Variants in TTBK2 observed in about 807,000 individuals in gnomAD.
TTBK2 encodes tau-tubulin kinase 2.
In TTBK2, 28 loss-of-function variants were observed where a neutral mutation model predicts 110.8. That is an observed-to-expected ratio of 0.25 (90% CI 0.19 to 0.35). TTBK2 has a LOEUF of 0.35. Among genes scored for constraint, TTBK2 ranks in the 10% least tolerant of loss-of-function variants. The probability of loss-of-function intolerance (pLI) is 1.00; values close to 1 mark genes in which losing one functional copy is unlikely to be tolerated. For synonymous variants in TTBK2, 532 were observed against 527.3 expected, an observed-to-expected ratio of 1.01 and a Z score of -0.12; for missense variants, 1,369 against 1,500.3, an observed-to-expected ratio of 0.91 and a Z score of 1.45.
chr15:42,757,702 G>A (rs183018553), intron 13 of TTBK2, among the ~76,000 whole-genome samples: 16 of 152,290 alleles, frequency 1.1e-4, no homozygotes, highest in Non-Finnish European at 8.8e-5. Flanking sequence ...TACTTGGGGC[G>A]CTCTACAAAT....
At chr15:42,751,150 A>T (rs963534522) in intron 14 of TTBK2, among the ~76,000 whole-genome samples, 1 of 152,218 alleles carries the variant, frequency 6.6e-6, no homozygotes, top group African/African-American at 2.4e-5. Flanking sequence ...AGATCTTAAT[A>T]AAGGCAAACA....
chr15:42,755,763 G>A (rs1374195607), intron 13 of TTBK2, among the ~76,000 whole-genome samples: 3 of 152,190 alleles, frequency 2.0e-5, no homozygotes, highest in Non-Finnish European at 4.4e-5. Context: ...TTTTGAAAGT[G>A]ATGTTGAAAT....
chr15:42,746,199 G>C lies in TTBK2; in HGVS notation c.3331C>G (p.Leu1111Val), dbSNP rs144199562. The change falls in exon 15 of 15, where the codon CTG becomes GTG. Residue 1111 changes from leucine to valine, a missense_variant. Around this residue, in one of 4 missense-constraint regions of TTBK2, gnomAD observed 1,097 missense variants for 1,114.7 expected, o/e 0.98. Transcript: ENST00000267890. ...GATCCATTTTGAAGAATTTGGGCCAGGCGGGAGAAAAGGTCTGAGTCGGAG... is the reference window on the plus strand; with the variant it reads ...GATCCATTTTGAAGAATTTGGGCCACGCGGGAGAAAAGGTCTGAGTCGGAG... ...SNSDSDLFSR[L>V]AQILQNGSQK... The C allele has an allele frequency of 2.4e-4, 381 of 1,614,166 alleles. 2 individuals carry two copies. The African/African-American group carries it at 4.8e-3, about 20-fold the overall frequency.
In TTBK2 at chr15:42,752,890, A is replaced by C. The variant is rs924397428; in HGVS notation, c.2356T>G (p.Ser786Ala). Reference protein sequence around the residue: ...ETEEKSILLESDNEDEKLSRG... With the variant: ...ETEEKSILLEADNEDEKLSRG... ...CTTAACTTCTCATCTTCATTATCTG[A>C]CTCTAAAAGGATGCTTTTCTCTTCA... The change falls in exon 14 of 15, where the codon TCA becomes GCA. Residue 786 changes from serine (S) to alanine (A), a missense_variant. Ser to Ala is a moderately conservative substitution (Grantham distance 99). Around this residue, in one of 4 missense-constraint regions of TTBK2, gnomAD observed 1,097 missense variants for 1,114.7 expected, o/e 0.98. Coordinates refer to ENST00000267890, the MANE Select transcript of TTBK2 (RefSeq NM_173500.4). 15 of 1,613,856 alleles carry C rather than the reference A, an allele frequency of 9.3e-6. No individual in the cohort carries two copies. The highest frequency in any genetic ancestry group is 1.3e-5 in the African/African-American group (1 of 74,848).
chr15:42,849,978 G>C (rs1358104953), intron 3 of TTBK2, among the ~76,000 whole-genome samples: 1 of 152,028 alleles, frequency 6.6e-6, no homozygotes, highest in South Asian at 2.1e-4. Context: ...ACTCTGCAGA[G>C]TACTTCCCAT....
Position 42,766,993 on chromosome 15 carries a change from ACAACTACAT to A in TTBK2, c.1998+8133_1998+8141del. Among the ~76,000 whole-genome samples the A allele has an allele frequency of 2.0e-5, 3 of 152,326 alleles. No individual in the cohort carries two copies. In the South Asian group the frequency reaches 6.2e-4, roughly 32 times the overall value. On this transcript the variant is annotated intron_variant, in intron 13 of 14. Transcript: ENST00000267890. ...GATTAAGAAACTCACTCAAAACTGC[ACAACTACAT>A]GGAAACTGAACAACCTGCTCCTGAA...
rs538556842 is a variant in TTBK2 at position 42,880,533 on chromosome 15, C to T, written c.-67-1849G>A. On this transcript the variant is annotated intron_variant, in intron 1 of 14. Coordinates refer to ENST00000267890, the MANE Select transcript of TTBK2 (RefSeq NM_173500.4). ...TCCCAAGGAGCTGGGACTACAGGCA[C>T]GCACTACCATACCTGGATAACATTG... 5.9e-5 allele frequency among the ~76,000 whole-genome samples: 9 copies of T among 152,134 alleles called. 1 individual carries two copies. In the South Asian group the frequency reaches 1.5e-3, roughly 25 times the overall value.
chr15:42,853,028 T>C (rs1893782634), intron 3 of TTBK2, among the ~76,000 whole-genome samples: 1 of 152,202 alleles, frequency 6.6e-6, no homozygotes, highest in African/African-American at 2.4e-5. Flanking sequence ...AAACCAGTTG[T>C]CTAATCCAGA....
chr15:42,800,491 C>T (rs1417187394), intron 9 of TTBK2, among the ~76,000 whole-genome samples: 1 of 152,176 alleles, frequency 6.6e-6, no homozygotes, highest in African/African-American at 2.4e-5. Context: ...CCAAGTCCAG[C>T]TTTTGCAAAA....
At chr15:42,914,828 T>G (rs1237389463) in intron 1 of TTBK2, among the ~76,000 whole-genome samples, 7 of 152,228 alleles carry the variant, frequency 4.6e-5, no homozygotes, top group African/African-American at 1.7e-4. Context: ...AAACAGAAAC[T>G]TCTTCCCTGA....
At chr15:42,903,026 C>A (rs1228655089) in intron 1 of TTBK2, among the ~76,000 whole-genome samples, 1 of 150,562 alleles carries the variant, frequency 6.6e-6, no homozygotes, top group African/African-American at 2.4e-5. Context: ...AAAGGGAATT[C>A]TTTTTAATTT....
Position 42,845,554 on chromosome 15 carries a change from A to C in TTBK2, c.218-5121T>G, listed in dbSNP as rs144713248. Reference sequence around the variant, plus strand: ...GAGGCTAAGGCAGGAGAATCACTTGAACCTGGGAGGCGGGGGTTGCAGTGG... The same window carrying C: ...GAGGCTAAGGCAGGAGAATCACTTGCACCTGGGAGGCGGGGGTTGCAGTGG... On this transcript the variant is annotated intron_variant, in intron 3 of 14. Transcript: ENST00000267890. 2.9e-3 allele frequency among the ~76,000 whole-genome samples: 437 copies of C among 148,870 alleles called. 1 individual carries two copies. The highest frequency in any genetic ancestry group is 7.0e-3 in the Middle Eastern group (2 of 284).
At chr15:42,760,178 G>C (rs1291397152) in intron 13 of TTBK2, among the ~76,000 whole-genome samples, 1 of 152,046 alleles carries the variant, frequency 6.6e-6, no homozygotes, top group Admixed American at 6.5e-5. Context: ...TTGAGGTCAG[G>C]AGTTTGAGAC....
intron 1 of TTBK2, among the ~76,000 whole-genome samples, chr15:42,914,566 C>G (rs1421353682): frequency 6.6e-6 from 1 of 152,038 alleles, no homozygotes; most frequent in Non-Finnish European, 1.5e-5. Flanking sequence ...TGGGAGAATC[C>G]AAAGTAGAAA....
intron 4 of TTBK2, among the ~76,000 whole-genome samples, chr15:42,836,264 A>C (rs1892981811): frequency 6.6e-6 from 1 of 152,182 alleles, no homozygotes; most frequent in Admixed American, 6.5e-5. Flanking sequence ...AAAATTTTTA[A>C]GGCAGATATT....
intron 9 of TTBK2, chr15:42,801,274 T>C (rs1891185639): frequency 1.3e-6 from 2 of 1,543,232 alleles, no homozygotes; most frequent in Admixed American, 3.4e-5. Context: ...AGGGCCAGCT[T>C]GACGTTCATC....
chr15:42,793,686 T>C (rs1341432689), intron 10 of TTBK2, among the ~76,000 whole-genome samples: 1 of 151,946 alleles, frequency 6.6e-6, no homozygotes, highest in Non-Finnish European at 1.5e-5. Context: ...CCGTCTCTAC[T>C]AAAAATACAA....
chr15:42,844,919 A>G (rs1240316170), intron 3 of TTBK2, among the ~76,000 whole-genome samples: 1 of 152,248 alleles, frequency 6.6e-6, no homozygotes, highest in African/African-American at 2.4e-5. Flanking sequence ...TAAACTAGGC[A>G]CTAGAAATAC....
chr15:42,834,093 G>A (rs1030148202), intron 4 of TTBK2, among the ~76,000 whole-genome samples: 3 of 149,718 alleles, frequency 2.0e-5, no homozygotes, highest in African/African-American at 7.4e-5. Flanking sequence ...TCAGGAAGGT[G>A]TGGTAAGAGG....
Sources: gnomAD v4.1 joint callset for allele counts (sites outside exome capture counted in the v4.1 genomes callset) on GRCh38, gnomAD v4.1.1 for gene constraint, gnomAD v4.1.1 regional missense constraint, MANE v1.5 for transcripts, NCBI Gene and HGNC (gene_info 2026-07-23, HGNC 2026-07-21) for gene names.